The following HOGA1 variants were observed in gnomAD, a reference collection of about 807,000 sequenced individuals.
The protein encoded by HOGA1 is 4-hydroxy-2-oxoglutarate aldolase, mitochondrial.
HOGA1 carries 30 observed loss-of-function variants against 34.3 expected under a neutral mutation model. The observed-to-expected ratio is 0.87, with a 90% CI of 0.65 to 1.19. The LOEUF (loss-of-function observed/expected upper bound fraction) is 1.19. HOGA1 is among the 50% of genes most tolerant of loss of function. The pLI is 0.00. For missense variants in HOGA1, 417 were observed against 436.5 expected (o/e 0.96, Z 0.40); for synonymous variants, 161 against 174.0 (o/e 0.93, Z 0.59).
At chr10:97,602,414 G>C (rs2041126104) in intron 6 of HOGA1, 1 of 985,252 alleles carries the variant, frequency 1.0e-6, no homozygotes, top group South Asian at 4.7e-5. Flanking sequence ...GCTGGCAAAG[G>C]AGTTAGAAGG....
intron 3 of HOGA1, 68 bp from the exon 4 acceptor site, chr10:97,599,612 C>T: frequency 2.5e-6 from 4 of 1,601,852 alleles, no homozygotes; most frequent in Middle Eastern, 2.1e-4. Context: ...TGTGGGTGGG[C>T]AAGTCTCTGG....
At chr10:97,586,215 G>A (rs1210228728) in intron 1 of HOGA1, among the ~76,000 whole-genome samples, 2 of 152,236 alleles carry the variant, frequency 1.3e-5, no homozygotes, top group Middle Eastern at 3.4e-3. Flanking sequence ...CGGACACATG[G>A]GAGTGATAAT....
chr10:97,599,918 CT>C, intron 4 of HOGA1, 104 bp downstream of exon 4: 1 of 1,568,492 alleles, frequency 6.4e-7, no homozygotes, highest in Non-Finnish European at 8.8e-7. Flanking sequence ...ACCTTGGCTT[CT>C]GTGTGGATTC....
At chr10:97,591,835 G>GTGTGTA (rs1415652829) in intron 1 of HOGA1, among the ~76,000 whole-genome samples, 1 of 143,994 alleles carries the variant, frequency 6.9e-6, no homozygotes, top group Non-Finnish European at 1.6e-5. Flanking sequence ...GTGTGTGTGT[G>GTGTGTA]TGTGTGTGTG....
At chr10:97,606,302 G>GAA (rs796388342) in intron 6 of HOGA1, among the ~76,000 whole-genome samples, 1 of 142,050 alleles carries the variant, frequency 7.0e-6, no homozygotes, top group African/African-American at 2.6e-5. Context: ...CCATCTCAGG[G>GAA]AAAAAAAAAA....
At chr10:97,591,227 G>C (rs1039336115) in intron 1 of HOGA1, among the ~76,000 whole-genome samples, 4 of 152,012 alleles carry the variant, frequency 2.6e-5, no homozygotes, top group African/African-American at 9.7e-5. Context: ...ACTAAGCCAG[G>C]TGGGAATGAG....
In HOGA1 at chr10:97,600,086, T is replaced by C. The variant is rs778797375; in HGVS notation, c.623T>C (p.Ile208Thr). ...TTGCAGGTGACCAGGATTGGGCTGA[T>C]TGTTCACAAGACCAGGAAGCAGGAT... ...SGGDVTRIGL[I>T]VHKTRKQDFQ... The change falls in exon 5 of 7, where the codon ATT (isoleucine) becomes ACT (threonine). Residue 208 changes from isoleucine (I) to threonine (T), a missense_variant. Coordinates refer to ENST00000370646, the MANE Select transcript of HOGA1 (RefSeq NM_138413.4). The C allele has an allele frequency of 1.2e-6, 2 of 1,614,150 alleles. No individual in the cohort carries two copies. The highest frequency in any genetic ancestry group is 1.1e-5 in the South Asian group (1 of 91,080).
chr10:97,609,563 C>T (rs542256476), intron 6 of HOGA1, among the ~76,000 whole-genome samples: 1 of 152,284 alleles, frequency 6.6e-6, no homozygotes, highest in East Asian at 1.9e-4. Flanking sequence ...ACCCCGAGAA[C>T]AGCTTGATGT....
chr10:97,609,032 G>A (rs987506603), intron 6 of HOGA1, among the ~76,000 whole-genome samples: 2 of 152,168 alleles, frequency 1.3e-5, no homozygotes, highest in African/African-American at 4.8e-5. Flanking sequence ...TTACAGAAAC[G>A]ACAGCTGAGG....
At chr10:97,589,622 C>T (rs576486170) in intron 1 of HOGA1, 1 of 366,788 alleles carries the variant, frequency 2.7e-6, no homozygotes, top group South Asian at 3.5e-5. Flanking sequence ...CCCCACCCCA[C>T]TCTCCCCACC....
At position 97,603,802 on chromosome 10, in the gene HOGA1, C is replaced by G. The variant is rs1298950847; in HGVS notation, c.834+1812C>G. Among the ~76,000 whole-genome samples, 4 of 152,054 alleles carry G rather than the reference C, an allele frequency of 2.6e-5. No individual in the cohort carries two copies. The highest frequency in any genetic ancestry group is 4.4e-5 in the Non-Finnish European group (3 of 67,992). Reference sequence around the variant, plus strand: ...GCCTCGAACTCCTGACCTCATGATCCACCCGCCTCGACCTCCCAAAGTGCT... The same window carrying G: ...GCCTCGAACTCCTGACCTCATGATCGACCCGCCTCGACCTCCCAAAGTGCT... On this transcript the variant is annotated intron_variant, in intron 6 of 6. Coordinates refer to ENST00000370646, the MANE Select transcript of HOGA1 (RefSeq NM_138413.4). The surrounding 1 kb of genome is among the most constrained non-coding windows in gnomAD (Gnocchi z 4.5).
chr10:97,598,172 G>A (rs1225265373), intron 1 of HOGA1, among the ~76,000 whole-genome samples: 3 of 152,074 alleles, frequency 2.0e-5, no homozygotes, highest in Admixed American at 2.0e-4. Context: ...CCATTTTTTG[G>A]TAGAGACAGG....
intron 1 of HOGA1, among the ~76,000 whole-genome samples, chr10:97,588,448 A>T (rs920754838): frequency 6.6e-6 from 1 of 151,640 alleles, no homozygotes; most frequent in Non-Finnish European, 1.5e-5. Context: ...TGACCTCGTG[A>T]TCGTCCGCCT....
chr10:97,607,342 CG>C (rs923705197), intron 6 of HOGA1, among the ~76,000 whole-genome samples: 4 of 152,172 alleles, frequency 2.6e-5, no homozygotes, highest in African/African-American at 7.2e-5. Context: ...CAGCTGGGAG[CG>C]GGGGTGGCAG....
chr10:97,591,632 T>C (rs951536462), intron 1 of HOGA1, among the ~76,000 whole-genome samples: 1 of 151,826 alleles, frequency 6.6e-6, no homozygotes, highest in East Asian at 1.9e-4. Flanking sequence ...TTTTTATGTA[T>C]GTATATTTTG....
At chr10:97,599,523 T>C in intron 3 of HOGA1, 157 bp from the exon 4 acceptor site, 4 of 938,800 alleles carry the variant, frequency 4.3e-6, no homozygotes, top group South Asian at 2.8e-5. Flanking sequence ...TATGACCCAC[T>C]GTGATTGCTT....
Position 97,612,603 on chromosome 10 carries a change from A to C in HOGA1, c.*944A>C. 6.6e-6 allele frequency: 1 copy of C among 152,236 alleles called. No individual in the cohort carries two copies. The highest frequency in any genetic ancestry group is 1.9e-4 in the East Asian group (1 of 5,202). 9.4% of individuals were successfully genotyped at this position (152,236 alleles called of 1,614,324 possible). A position where few individuals can be genotyped will look rare whatever the true frequency, so the allele number is the denominator to read the frequency against. On this transcript the variant is annotated 3_prime_UTR_variant, in exon 7 of 7. Coordinates refer to ENST00000370646, the MANE Select transcript of HOGA1 (RefSeq NM_138413.4). ...TTCCAACCATTGAATGCACGGAGAC[A>C]GCCCAGTGGCTTGTCAGATTGGTAA...
intron 1 of HOGA1, among the ~76,000 whole-genome samples, chr10:97,595,182 G>A (rs569197946): frequency 1.9e-4 from 29 of 152,226 alleles, no homozygotes; most frequent in Non-Finnish European, 3.1e-4. Context: ...ATCTTCCTTT[G>A]TCTTACAGCT....
rs375880698 is a variant in HOGA1, at chr10:97,599,138, T to C, written c.390T>C (p.Ala130=). The change falls in exon 3 of 7, where the codon GCT becomes GCC. Residue 130 remains alanine (A), a synonymous_variant. Transcript: ENST00000370646. Reference sequence around the variant, plus strand: ...CCGTCAGCATGGCCCAGGTCGGGGCTGACGCGGCCATGGTGGTGACCCCTT... The same window carrying C: ...CCGTCAGCATGGCCCAGGTCGGGGCCGACGCGGCCATGGTGGTGACCCCTT... ...EMTVSMAQVG[A]DAAMVVTPCY... is the part of the protein sequence containing the mutation. 1.9e-6 allele frequency: 3 copies of C among 1,613,726 alleles called. No homozygotes were observed. Among genetic ancestry groups the C allele is most frequent in the Non-Finnish European group, 2.5e-6 (3 of 1,180,028 alleles).
Sources: gnomAD v4.1 joint callset for allele counts (sites outside exome capture counted in the v4.1 genomes callset) on GRCh38, gnomAD v4.1.1 for gene constraint, Gnocchi (gnomAD v3.1) non-coding constraint, MANE v1.5 for transcripts, NCBI Gene and HGNC (gene_info 2026-07-23, HGNC 2026-07-21) for gene names.